Variants in ARRB1 observed in about 807,000 individuals in gnomAD.
The protein encoded by ARRB1 is beta-arrestin-1.
In ARRB1, 21 loss-of-function variants were observed where a neutral mutation model predicts 56.8. That is an observed-to-expected ratio of 0.37 (90% CI 0.26 to 0.53). ARRB1 has a LOEUF of 0.53. Ranked by LOEUF, ARRB1 falls within the 20% of genes least tolerant of loss-of-function variation. The pLI, the probability that ARRB1 is intolerant of heterozygous loss-of-function variation, is 0.88. For missense variants in ARRB1, 424 were observed against 553.7 expected (o/e 0.77, Z 2.35); for synonymous variants, 210 against 218.6 (o/e 0.96, Z 0.35).
At chr11:75,280,422 C>T (rs1946302824) in intron 7 of ARRB1, among the ~76,000 whole-genome samples, 2 of 152,230 alleles carry the variant, frequency 1.3e-5, no homozygotes. Context: ...GATGCAGGCA[C>T]ATCAGCGTCG....
intron 1 of ARRB1, among the ~76,000 whole-genome samples, chr11:75,324,493 G>A (rs112104462): frequency 1.3e-5 from 2 of 152,284 alleles, no homozygotes; most frequent in African/African-American, 2.4e-5. Context: ...GCCTGGCACC[G>A]AGGAGGCACT....
intron 13 of ARRB1, among the ~76,000 whole-genome samples, chr11:75,269,555 G>A (rs540241691): frequency 5.9e-5 from 9 of 152,326 alleles, no homozygotes; most frequent in South Asian, 2.1e-4. Context: ...GAAAGCGGCC[G>A]GGAAGACCCA....
At chr11:75,299,263 CAGAG>C (rs1381911011) in intron 1 of ARRB1, among the ~76,000 whole-genome samples, 2 of 149,498 alleles carry the variant, frequency 1.3e-5, no homozygotes, top group African/African-American at 2.5e-5. Context: ...TAAAAAAAGA[CAGAG>C]AGAATGAAAA....
intron 8 of ARRB1, among the ~76,000 whole-genome samples, chr11:75,277,860 T>C (rs970216409): frequency 2.6e-5 from 4 of 152,178 alleles, no homozygotes; most frequent in Admixed American, 6.5e-5. Flanking sequence ...AACAATAACA[T>C]TGACGATGAT....
At chr11:75,277,900 T>C (rs1365366491) in intron 8 of ARRB1, among the ~76,000 whole-genome samples, 1 of 152,254 alleles carries the variant, frequency 6.6e-6, no homozygotes, top group Non-Finnish European at 1.5e-5. Context: ...GTAGGTTATC[T>C]AAGCCTCAGG....
intron 1 of ARRB1, among the ~76,000 whole-genome samples, chr11:75,311,663 A>C (rs191861070): frequency 2.0e-5 from 3 of 152,348 alleles, no homozygotes; most frequent in African/African-American, 7.2e-5. Flanking sequence ...TCCACCTGCC[A>C]CACACAGGCA....
At chr11:75,267,556 C>A in intron 15 of ARRB1, 96 bp downstream of exon 15, 1 of 1,278,676 alleles carries the variant, frequency 7.8e-7, no homozygotes, top group South Asian at 1.3e-5. Context: ...AGACCAGCGG[C>A]TCCTCAGGAG....
chr11:75,339,014 A>C (rs1382119009), intron 1 of ARRB1, among the ~76,000 whole-genome samples: 1 of 152,146 alleles, frequency 6.6e-6, no homozygotes, highest in South Asian at 2.1e-4. Flanking sequence ...GGTAAAGGGG[A>C]GGGGAGAACC....
chr11:75,260,128 G>A lies in ARRB1; in HGVS notation c.*6035C>T, dbSNP rs1307243396. On this transcript the variant is annotated 3_prime_UTR_variant, in exon 16 of 16. Transcript: ENST00000420843. ...AATGAAAGCACAGCCAGCATCCTCT[G>A]CCACAAAAGACCTTTAATGGCCTCC... 1 of 152,232 alleles carries A rather than the reference G, an allele frequency of 6.6e-6. No homozygotes were observed. The highest frequency in any genetic ancestry group is 6.5e-5 in the Admixed American group (1 of 15,284). The allele number at this position is 152,232 out of a possible 1,614,324, so 9.4% of individuals were successfully genotyped here.
chr11:75,301,920 C>A (rs1440032249), intron 1 of ARRB1, among the ~76,000 whole-genome samples: 1 of 152,180 alleles, frequency 6.6e-6, no homozygotes, highest in Admixed American at 6.5e-5. Flanking sequence ...AGAAATGTCA[C>A]CCCATTTCAG....
At chr11:75,307,634 C>T (rs1947061954) in intron 1 of ARRB1, among the ~76,000 whole-genome samples, 2 of 152,200 alleles carry the variant, frequency 1.3e-5, no homozygotes, top group South Asian at 4.1e-4. Flanking sequence ...CAGAAGCTCC[C>T]AGGACAGACT....
chr11:75,318,768 C>T (rs922814639), intron 1 of ARRB1, among the ~76,000 whole-genome samples: 5 of 151,982 alleles, frequency 3.3e-5, no homozygotes, highest in African/African-American at 9.7e-5. Context: ...TGAGCCACTG[C>T]GCCCAACATA....
At chr11:75,284,146 G>T in intron 4 of ARRB1, 89 bp downstream of exon 4, 2 of 1,352,658 alleles carry the variant, frequency 1.5e-6, no homozygotes, top group Non-Finnish European at 2.0e-6. Context: ...AGGGGAACCA[G>T]TGGGGATGGG....
At chr11:75,344,568 G>A (rs1387360988) in intron 1 of ARRB1, among the ~76,000 whole-genome samples, 1 of 152,106 alleles carries the variant, frequency 6.6e-6, no homozygotes, top group East Asian at 1.9e-4. Context: ...GGTGAAGAGG[G>A]AACAAACCTA....
chr11:75,333,528 A>G (rs1353987477), intron 1 of ARRB1, among the ~76,000 whole-genome samples: 2 of 152,218 alleles, frequency 1.3e-5, no homozygotes, highest in Non-Finnish European at 2.9e-5. Context: ...AGAGAAGTTG[A>G]TGAGGGTCAT....
At chr11:75,306,700 C>G in intron 1 of ARRB1, 2 of 1,258,052 alleles carry the variant, frequency 1.6e-6, no homozygotes, top group Admixed American at 2.8e-5. Flanking sequence ...CCCGCAGGCT[C>G]AGCTCTCCCC....
At chr11:75,296,706 C>T (rs1189602030) in intron 1 of ARRB1, among the ~76,000 whole-genome samples, 1 of 151,586 alleles carries the variant, frequency 6.6e-6, no homozygotes, top group Non-Finnish European at 1.5e-5. Flanking sequence ...GAGATGGAGT[C>T]TCACTCTGTC....
At chr11:75,330,944 A>G (rs1565143385) in intron 1 of ARRB1, among the ~76,000 whole-genome samples, 1 of 152,254 alleles carries the variant, frequency 6.6e-6, no homozygotes, top group Non-Finnish European at 1.5e-5. Context: ...CCCGTGCCAG[A>G]CACTGGTACC....
At chr11:75,343,551 C>T (rs1947720847) in intron 1 of ARRB1, among the ~76,000 whole-genome samples, 1 of 152,140 alleles carries the variant, frequency 6.6e-6, no homozygotes, top group African/African-American at 2.4e-5. Flanking sequence ...TTAACTCAGT[C>T]CTCATGACAA....
Sources: gnomAD v4.1 joint callset for allele counts (sites outside exome capture counted in the v4.1 genomes callset) on GRCh38, gnomAD v4.1.1 for gene constraint, MANE v1.5 for transcripts, NCBI Gene and HGNC (gene_info 2026-07-23, HGNC 2026-07-21) for gene names.